The following GAREM1 variants were observed in gnomAD, a reference collection of about 807,000 sequenced individuals.
GAREM1 encodes the protein GRB2-associated and regulator of MAPK protein 1.
GAREM1 carries 26 observed loss-of-function variants against 71.3 expected under a neutral mutation model. The ratio of observed to expected loss-of-function variants is 0.36; its 90% CI spans 0.27 to 0.51. The LOEUF (loss-of-function observed/expected upper bound fraction) is 0.51, where lower values mean the gene tolerates loss of function less well. Ranked by LOEUF, GAREM1 falls within the 20% of genes least tolerant of loss-of-function variation. GAREM1 has a pLI of 0.95. For synonymous variants in GAREM1, 440 were observed against 433.2 expected, an observed-to-expected ratio of 1.02 and a Z score of -0.20; for missense variants, 1,026 against 1,103.1, an observed-to-expected ratio of 0.93 and a Z score of 0.99.
intron 3 of GAREM1, among the ~76,000 whole-genome samples, chr18:32,297,497 A>C (rs1258840952): frequency 6.6e-6 from 1 of 152,210 alleles, no homozygotes; most frequent in Non-Finnish European, 1.5e-5. Context: ...TAAGTGTTTC[A>C]CATTGCCTTT....
intron 1 of GAREM1, among the ~76,000 whole-genome samples, chr18:32,468,313 G>A (rs920642006): frequency 6.6e-6 from 1 of 152,198 alleles, no homozygotes; most frequent in Non-Finnish European, 1.5e-5. Context: ...TTAGCCCATG[G>A]ACTCTTTGGC....
chr18:32,373,129 T>C (rs1298052755), intron 2 of GAREM1, among the ~76,000 whole-genome samples: 1 of 152,206 alleles, frequency 6.6e-6, no homozygotes, highest in Non-Finnish European at 1.5e-5. Flanking sequence ...AGTAGATAAA[T>C]ATCTAATTTT....
At chr18:32,435,774 A>T (rs1381466787) in intron 1 of GAREM1, among the ~76,000 whole-genome samples, 1 of 152,192 alleles carries the variant, frequency 6.6e-6, no homozygotes, top group African/African-American at 2.4e-5. Context: ...TCACACATGG[A>T]ATCTGGGAGG....
chr18:32,315,394 A>G (rs1407113160), intron 2 of GAREM1, among the ~76,000 whole-genome samples: 1 of 148,954 alleles, frequency 6.7e-6, no homozygotes, highest in Non-Finnish European at 1.5e-5. Flanking sequence ...TCAATTAAAC[A>G]TCACTAATGA....
At position 32,287,292 on chromosome 18, in the gene GAREM1, G is replaced by A. The variant is rs1419796439; in HGVS notation, c.1305C>T (p.Phe435=). 2 of 1,614,212 alleles carry A rather than the reference G, an allele frequency of 1.2e-6. No homozygotes were observed. The highest frequency in any genetic ancestry group is 2.2e-5 in the South Asian group (2 of 91,092). ...DSGDSGSDYL[F]PEASEESAGI... ...CTGCTGATTCTTCACTAGCTTCTGG[G>A]AAAAGGTAGTCGCTCCCACTATCTC... The change falls in exon 4 of 6, where the codon TTC becomes TTT. Residue 435 remains phenylalanine (F), a synonymous_variant. Coordinates refer to ENST00000269209, the MANE Select transcript of GAREM1 (RefSeq NM_001242409.2). The surrounding 1 kb of genome is among the most constrained non-coding windows in gnomAD (Gnocchi z 5.9).
intron 1 of GAREM1, among the ~76,000 whole-genome samples, chr18:32,468,960 T>TCCCCCCCCCCCCCC (rs34977174): frequency 2.2e-3 from 180 of 82,150 alleles, no homozygotes; most frequent in African/African-American, 2.9e-3. Flanking sequence ...CACCTGTGCG[T>TCCCCCCCCCCCCCC]CCCCCCCCCC....
At chr18:32,376,024 T>C (rs1161449984) in intron 2 of GAREM1, among the ~76,000 whole-genome samples, 4 of 152,214 alleles carry the variant, frequency 2.6e-5, no homozygotes. Flanking sequence ...CTTGTGAACA[T>C]TTTATCATCA....
chr18:32,418,731 G>A (rs182524189), intron 1 of GAREM1, among the ~76,000 whole-genome samples: 2 of 152,278 alleles, frequency 1.3e-5, no homozygotes, highest in East Asian at 1.9e-4. Context: ...AAAGAAACGA[G>A]TAGGGTTCTC....
At chr18:32,467,048 A>C (rs2049006347) in intron 1 of GAREM1, among the ~76,000 whole-genome samples, 1 of 152,066 alleles carries the variant, frequency 6.6e-6, no homozygotes, top group South Asian at 2.1e-4. Flanking sequence ...AGAATTGGAG[A>C]GTTCTTTATA....
At position 32,379,465 on chromosome 18, in the gene GAREM1, G is replaced by C. The variant is rs1484750562; in HGVS notation, c.262+13430C>G. ...ATCCCAGCACTTTGGGAGGCCGGGGGGGGTGGGGGGCGGGGTGGATCATGA... is the reference window on the plus strand; with the variant it reads ...ATCCCAGCACTTTGGGAGGCCGGGGCGGGTGGGGGGCGGGGTGGATCATGA... On this transcript the variant is annotated intron_variant, in intron 2 of 5. Coordinates refer to ENST00000269209, the MANE Select transcript of GAREM1 (RefSeq NM_001242409.2). Among the ~76,000 whole-genome samples the C allele has an allele frequency of 2.3e-4, 29 of 127,314 alleles. No homozygotes were observed. The East Asian group carries it at 8.4e-3, about 37-fold the overall frequency. The allele number at this position is 127,314 out of a possible 152,430, so 83.5% of individuals were successfully genotyped here. A position where few individuals can be genotyped will look rare whatever the true frequency, so the allele number is the denominator to read the frequency against.
chr18:32,412,479 G>C lies in GAREM1; in HGVS notation c.122-19444C>G, dbSNP rs945270878. 1.4e-5 allele frequency: 23 copies of C among 1,593,022 alleles called. No individual in the cohort carries two copies. In the East Asian group the frequency reaches 4.2e-4, roughly 29 times the overall value. On this transcript the variant is annotated intron_variant, in intron 1 of 5. Coordinates refer to ENST00000269209, the MANE Select transcript of GAREM1 (RefSeq NM_001242409.2). Reference sequence around the variant, plus strand: ...CCCACTGCCACCATATCTACCACCAGCACGGCTGCCACCAAAGCCACCACG... The same window carrying C: ...CCCACTGCCACCATATCTACCACCACCACGGCTGCCACCAAAGCCACCACG...
intron 2 of GAREM1, among the ~76,000 whole-genome samples, chr18:32,322,504 CA>C (rs2047438996): frequency 6.6e-6 from 1 of 152,052 alleles, no homozygotes; most frequent in South Asian, 2.1e-4. Context: ...TCAGTTACAA[CA>C]CCTGAAAGAA....
intron 2 of GAREM1, among the ~76,000 whole-genome samples, chr18:32,375,948 T>C (rs965683592): frequency 2.2e-4 from 33 of 152,224 alleles, no homozygotes; most frequent in African/African-American, 7.7e-4. Context: ...TTTCTAGGCA[T>C]CTTAATTTCT....
At chr18:32,466,090 G>C (rs2048996187) in intron 1 of GAREM1, among the ~76,000 whole-genome samples, 1 of 151,966 alleles carries the variant, frequency 6.6e-6, no homozygotes, top group South Asian at 2.1e-4. Flanking sequence ...CCAATTCTTT[G>C]TTTTAAAAAC....
intron 1 of GAREM1, among the ~76,000 whole-genome samples, chr18:32,462,423 A>G (rs190693215): frequency 1.3e-4 from 20 of 152,292 alleles, no homozygotes; most frequent in African/African-American, 4.6e-4. Context: ...TTCTTTTGAG[A>G]AATGCCTATT....
At chr18:32,334,011 G>A (rs73956883) in intron 2 of GAREM1, among the ~76,000 whole-genome samples, 15,668 of 152,140 alleles carry the variant, frequency 0.1, 1,631 homozygotes, top group African/African-American at 0.26. Flanking sequence ...TTCAGGGCAG[G>A]ATCTGTCAGG....
chr18:32,284,752 CTTTT>C (rs34946592), intron 4 of GAREM1, among the ~76,000 whole-genome samples: 3 of 121,232 alleles, frequency 2.5e-5, no homozygotes, highest in Non-Finnish European at 3.5e-5. Flanking sequence ...TGCCCCCTTA[CTTTT>C]TTTTTTTTTT....
Position 32,264,401 on chromosome 18 carries a change from CAA to C in GAREM1, c.*3468_*3469del, listed in dbSNP as rs1322874018. ...TAGGCACGATGAGTAGTGACTTATA[CAA>C]AGTGTTTAGAAAATGAAGGACCCTC... On this transcript the variant is annotated 3_prime_UTR_variant, in exon 6 of 6. Coordinates refer to ENST00000269209, the MANE Select transcript of GAREM1 (RefSeq NM_001242409.2). 7.9e-5 allele frequency: 12 copies of C among 152,272 alleles called. No individual in the cohort carries two copies. The East Asian group carries it at 2.3e-3, about 29-fold the overall frequency. The allele number at this position is 152,272 out of a possible 1,614,324, so 9.4% of individuals were successfully genotyped here.
intron 1 of GAREM1, among the ~76,000 whole-genome samples, chr18:32,407,152 A>G (rs2048373086): frequency 6.6e-6 from 1 of 152,210 alleles, no homozygotes; most frequent in African/African-American, 2.4e-5. Flanking sequence ...GGGTGCTGTC[A>G]TTTTGTGGAT....
Sources: gnomAD v4.1 joint callset for allele counts (sites outside exome capture counted in the v4.1 genomes callset) on GRCh38, gnomAD v4.1.1 for gene constraint, Gnocchi (gnomAD v3.1) non-coding constraint, MANE v1.5 for transcripts, NCBI Gene and HGNC (gene_info 2026-07-23, HGNC 2026-07-21) for gene names.